Variants in MARCO observed in about 807,000 individuals in gnomAD.
The protein encoded by MARCO is macrophage receptor MARCO.
Under a neutral mutation model 70.0 loss-of-function variants are expected in MARCO, and 72 were observed. The ratio of observed to expected loss-of-function variants is 1.03; its 90% CI spans 0.85 to 1.25. MARCO has a LOEUF of 1.25. Among genes scored for constraint, MARCO ranks in the 50% most tolerant of loss-of-function variants. The probability of loss-of-function intolerance (pLI) is 0.00; values close to 1 mark genes in which losing one functional copy is unlikely to be tolerated. For missense variants in MARCO, 696 were observed against 659.3 expected (o/e 1.06, Z -0.61); for synonymous variants, 273 against 243.1 (o/e 1.12, Z -1.14).
intron 1 of MARCO, among the ~76,000 whole-genome samples, chr2:118,943,575 C>T (rs1373955091): frequency 2.6e-5 from 4 of 152,174 alleles, no homozygotes; most frequent in African/African-American, 9.7e-5. Context: ...GTGACTGAGA[C>T]TTCCACAGGA....
intron 6 of MARCO, among the ~76,000 whole-genome samples, chr2:118,975,430 A>C (rs1680261082): frequency 6.6e-6 from 1 of 152,198 alleles, no homozygotes; most frequent in African/African-American, 2.4e-5. Context: ...AGAAAACACC[A>C]CCAGTTACAA....
intron 15 of MARCO, 58 bp from the exon 16 acceptor site, chr2:118,993,066 C>T: frequency 6.7e-7 from 1 of 1,500,704 alleles, no homozygotes; most frequent in African/African-American, 1.4e-5. Flanking sequence ...AGAGCCCGCA[C>T]TTACCCAAAG....
chr2:118,952,348 C>A (rs986297964), intron 1 of MARCO, among the ~76,000 whole-genome samples: 1 of 152,098 alleles, frequency 6.6e-6, no homozygotes, highest in African/African-American at 2.4e-5. Flanking sequence ...CCTCTCTGGC[C>A]GCTCCCCCAA....
At chr2:118,944,496 A>C (rs1226399255) in intron 1 of MARCO, among the ~76,000 whole-genome samples, 1 of 152,016 alleles carries the variant, frequency 6.6e-6, no homozygotes, top group African/African-American at 2.4e-5. Context: ...ATATAGTTTT[A>C]TTTTCTTTTG....
chr2:118,959,265 C>G (rs1482364164), intron 1 of MARCO, among the ~76,000 whole-genome samples: 1 of 152,096 alleles, frequency 6.6e-6, no homozygotes, highest in Admixed American at 6.5e-5. Flanking sequence ...TGTCCAGAAT[C>G]TACAACAAAC....
chr2:118,962,162 A>C (rs1214415412), intron 1 of MARCO, among the ~76,000 whole-genome samples: 1 of 152,184 alleles, frequency 6.6e-6, no homozygotes, highest in Admixed American at 6.5e-5. Context: ...TGATGCCTCC[A>C]GCTCTGTTCT....
chr2:118,992,856 A>G (rs914924978), intron 15 of MARCO, among the ~76,000 whole-genome samples: 1 of 149,842 alleles, frequency 6.7e-6, no homozygotes, highest in Admixed American at 6.6e-5. Flanking sequence ...TCCACAACAC[A>G]TGACAAGACG....
intron 1 of MARCO, among the ~76,000 whole-genome samples, chr2:118,945,841 GT>G (rs1169242501): frequency 6.6e-6 from 1 of 152,124 alleles, no homozygotes; most frequent in African/African-American, 2.4e-5. Flanking sequence ...TTTTATTGTT[GT>G]TTGTTTTAAT....
At chr2:118,983,228 A>G (rs1573403992) in intron 12 of MARCO, among the ~76,000 whole-genome samples, 1 of 152,222 alleles carries the variant, frequency 6.6e-6, no homozygotes, top group East Asian at 1.9e-4. Context: ...TGCCAAGGAC[A>G]TCTGTAGACA....
intron 6 of MARCO, 87 bp from the exon 7 acceptor site, chr2:118,977,384 C>T: frequency 9.0e-7 from 1 of 1,113,980 alleles, no homozygotes; most frequent in South Asian, 1.3e-5. Flanking sequence ...CCTTGCTCAA[C>T]TAAGGGAATC....
intron 12 of MARCO, among the ~76,000 whole-genome samples, chr2:118,990,124 A>G (rs1410030392): frequency 2.6e-5 from 4 of 152,238 alleles, no homozygotes; most frequent in African/African-American, 9.6e-5. Flanking sequence ...CCACAATGAA[A>G]AAAACCAACA....
At chr2:118,964,793 C>G (rs4848529) in intron 1 of MARCO, among the ~76,000 whole-genome samples, 27,616 of 150,660 alleles carry the variant, frequency 0.18, 2,832 homozygotes, top group African/African-American at 0.28. Flanking sequence ...GAGGCTGAGG[C>G]ACAAGAATCA....
rs749054285 is a variant in MARCO, at chr2:118,981,698, G to C, written c.901+42G>C. On this transcript the variant is annotated intron_variant, in intron 10 of 16. Coordinates refer to ENST00000327097, the MANE Select transcript of MARCO (RefSeq NM_006770.4). ...TCTGGGCATCATCCCAGCTACGACT[G>C]TCCCTGGCAGAGTGAAGCTGGGGAC... 4 of 1,577,496 alleles carry C rather than the reference G, an allele frequency of 2.5e-6. No individual in the cohort carries two copies. The South Asian group carries it at 4.5e-5, about 18-fold the overall frequency.
Position 118,989,126 on chromosome 2 carries a change from T to A in MARCO, c.1064-1463T>A, listed in dbSNP as rs112892434. Among the ~76,000 whole-genome samples the A allele has an allele frequency of 1.4e-3, 218 of 152,304 alleles. 3 individuals are homozygous for A. The highest frequency in any genetic ancestry group is 4.5e-3 in the African/African-American group (187 of 41,560). On this transcript the variant is annotated intron_variant, in intron 12 of 16. Coordinates refer to ENST00000327097, the MANE Select transcript of MARCO (RefSeq NM_006770.4). ...CTGCCTTGGGAGAAAGGATATCTTG[T>A]CTTGGGCGAGGGAGAGAAGGCTTCA...
intron 12 of MARCO, 62 bp downstream of exon 12, chr2:118,982,472 A>C: frequency 6.7e-7 from 1 of 1,493,428 alleles, no homozygotes; most frequent in Non-Finnish European, 9.3e-7. Flanking sequence ...GATGGAGAGA[A>C]AAACTGCTTC....
In MARCO at chr2:118,970,129, C is replaced by T. The variant is rs142141014; in HGVS notation, c.215C>T (p.Ala72Val). The T allele has an allele frequency of 4.3e-5, 70 of 1,613,804 alleles. No individual in the cohort carries two copies. Among genetic ancestry groups the T allele is most frequent in the South Asian group, 8.8e-5 (8 of 91,060 alleles). Reference sequence around the variant, plus strand: ...TGGGGCCCAGTTCTGAATCTGCAGGCGCGGCTCCGGGTCCTGGAGATGTAT... The same window carrying T: ...TGGGGCCCAGTTCTGAATCTGCAGGTGCGGCTCCGGGTCCTGGAGATGTAT... ...LLVVQVLNLQ[A>V]RLRVLEMYFL... Residue 72 changes from alanine to valine, a missense_variant, in exon 3 of 17, where the codon GCG becomes GTG. Coordinates refer to ENST00000327097, the MANE Select transcript of MARCO (RefSeq NM_006770.4).
chr2:118,981,400 G>T lies in MARCO; in HGVS notation c.767-9G>T. 6.3e-7 allele frequency: 1 copy of T among 1,593,880 alleles called. No individual in the cohort carries two copies. The highest frequency in any genetic ancestry group is 1.4e-5 in the African/African-American group (1 of 73,656). On this transcript the variant is annotated splice_polypyrimidine_tract_variant and intron_variant, in intron 8 of 16. Coordinates refer to ENST00000327097, the MANE Select transcript of MARCO (RefSeq NM_006770.4). ...TCCCACAACTAACCAAGACTTTTTG[G>T]TTTTTCAGGAAGCAAAGGGGACAGG...
chr2:118,990,129 C>A (rs532707752), intron 12 of MARCO, among the ~76,000 whole-genome samples: 28 of 152,332 alleles, frequency 1.8e-4, no homozygotes, highest in Admixed American at 5.2e-4. Flanking sequence ...ATGAAAAAAA[C>A]CAACAAATAC....
At position 118,993,223 on chromosome 2, in the gene MARCO, G is replaced by A. The variant is rs771524346; in HGVS notation, c.1352G>A (p.Trp451Ter). The stretch of plus-strand genomic sequence containing the variant: ...TGGGGGACAATTTGCGATGACGAGT[G>A]GCAAAATTCTGATGCCATTGTCTTC... ...GTWGTICDDE[W>*]QNSDAIVFCR... Residue 451 changes from tryptophan (W) to a stop codon, truncating the protein, a stop_gained, in exon 16 of 17, where the codon TGG (tryptophan) becomes TAG (stop). Coordinates refer to ENST00000327097, the MANE Select transcript of MARCO (RefSeq NM_006770.4). LOFTEE classifies it high-confidence loss of function. 1.9e-6 allele frequency: 3 copies of A among 1,614,168 alleles called. No individual in the cohort carries two copies. The highest frequency in any genetic ancestry group is 8.5e-7 in the Non-Finnish European group (1 of 1,180,026).
Sources: allele counts gnomAD v4.1 joint callset (sites outside exome capture counted in the v4.1 genomes callset), GRCh38; gene constraint gnomAD v4.1.1; transcripts MANE v1.5; gene names NCBI Gene and HGNC (gene_info 2026-07-23, HGNC 2026-07-21).